Variants in TMEM132D observed in about 807,000 individuals in gnomAD.
TMEM132D encodes the protein transmembrane protein 132D, also known as mature OL transmembrane protein.
Under a neutral mutation model 62.3 loss-of-function variants are expected in TMEM132D, and 21 were observed. That is an observed-to-expected ratio of 0.34 (90% confidence interval 0.24 to 0.49). TMEM132D has a LOEUF of 0.49. Among genes scored for constraint, TMEM132D ranks in the 20% least tolerant of loss-of-function variants. The pLI is 0.99. For missense variants in TMEM132D, 1,346 were observed against 1,402.8 expected (o/e 0.96, Z 0.65); for synonymous variants, 621 against 575.6 (o/e 1.08, Z -1.13).
At chr12:129,326,359 T>C (rs1868910666) in intron 4 of TMEM132D, among the ~76,000 whole-genome samples, 1 of 152,188 alleles carries the variant, frequency 6.6e-6, no homozygotes, top group African/African-American at 2.4e-5. Context: ...TACACTGACA[T>C]TAGACCTGGG....
chr12:129,142,849 C>T (rs1463361137), intron 5 of TMEM132D, among the ~76,000 whole-genome samples: 1 of 152,080 alleles, frequency 6.6e-6, no homozygotes, highest in Non-Finnish European at 1.5e-5. Context: ...GCTCTAGGTA[C>T]TTTTCCCAAA....
chr12:129,141,947 A>C (rs1299338049), intron 5 of TMEM132D, among the ~76,000 whole-genome samples: 1 of 149,682 alleles, frequency 6.7e-6, no homozygotes, highest in African/African-American at 2.4e-5. Context: ...AAAAAACCCC[A>C]AAACTCTAAT....
At chr12:129,189,778 CAG>C (rs1430339202) in intron 5 of TMEM132D, among the ~76,000 whole-genome samples, 1 of 152,096 alleles carries the variant, frequency 6.6e-6, no homozygotes, top group Non-Finnish European at 1.5e-5. Context: ...CTGTGGCAGG[CAG>C]AGTCAAGCTT....
At position 129,074,009 on chromosome 12, in the gene TMEM132D, C is replaced by T. The variant is rs2135601550; in HGVS notation, c.3166G>A (p.Asp1056Asn). The change falls in exon 9 of 9, where the codon GAC becomes AAC. Residue 1056 changes from aspartate (D) to asparagine (N), a missense_variant. Coordinates refer to ENST00000422113, the MANE Select transcript of TMEM132D (RefSeq NM_133448.3). Reference sequence around the variant, plus strand: ...GAGTTCCTGGTGGGGTACTCGTCGTCTGAGGAGACGGCGGTGAAGGTGGTA... The same window carrying T: ...GAGTTCCTGGTGGGGTACTCGTCGTTTGAGGAGACGGCGGTGAAGGTGGTA... ...KFTTFTAVSSDDEYPTRNSIV... is the reference protein window; with the variant it reads ...KFTTFTAVSSNDEYPTRNSIV... 4.3e-6 allele frequency: 7 copies of T among 1,614,074 alleles called. No individual in the cohort carries two copies. The highest frequency in any genetic ancestry group is 5.9e-6 in the Non-Finnish European group (7 of 1,179,978).
chr12:129,153,451 GGT>G (rs542437997), intron 5 of TMEM132D, among the ~76,000 whole-genome samples: 74 of 152,136 alleles, frequency 4.9e-4, no homozygotes, highest in Middle Eastern at 3.4e-3. Flanking sequence ...GCCGGGTCTC[GGT>G]GTTTGGGTCA....
intron 2 of TMEM132D, among the ~76,000 whole-genome samples, chr12:129,594,562 T>C (rs543748873): frequency 1.6e-4 from 24 of 152,210 alleles, no homozygotes; most frequent in Non-Finnish European, 3.1e-4. Context: ...AGTGGCTAAA[T>C]AATTTTTCAC....
intron 5 of TMEM132D, among the ~76,000 whole-genome samples, chr12:129,188,455 G>A (rs1046573972): frequency 6.6e-6 from 1 of 152,206 alleles, no homozygotes; most frequent in Admixed American, 6.5e-5. Flanking sequence ...AGCCATCAGA[G>A]GTTGTGAGTT....
intron 4 of TMEM132D, among the ~76,000 whole-genome samples, chr12:129,232,079 C>T (rs1879658004): frequency 6.6e-6 from 1 of 152,304 alleles, no homozygotes; most frequent in African/African-American, 2.4e-5. Flanking sequence ...GATTAAACAA[C>T]ACTGGTAGTG....
At chr12:129,658,870 C>A (rs1880164487) in intron 2 of TMEM132D, among the ~76,000 whole-genome samples, 1 of 152,010 alleles carries the variant, frequency 6.6e-6, no homozygotes, top group African/African-American at 2.4e-5. Flanking sequence ...CAAAGAGCAC[C>A]AAGGTGCCAG....
intron 3 of TMEM132D, among the ~76,000 whole-genome samples, chr12:129,484,891 C>G (rs1593032356): frequency 6.6e-6 from 1 of 152,098 alleles, no homozygotes. Flanking sequence ...AAAACAATGA[C>G]ATTTATGGGT....
In TMEM132D at chr12:129,646,706, GTATA is replaced by G. The variant is rs1333388049; in HGVS notation, c.968+53100_968+53103del. Among the ~76,000 whole-genome samples the G allele has an allele frequency of 2.0e-5, 3 of 151,672 alleles. No individual in the cohort carries two copies. The East Asian group carries it at 5.8e-4, about 29-fold the overall frequency. On this transcript the variant is annotated intron_variant, in intron 2 of 8. Transcript: ENST00000422113. ...CTTATACAAATGCGTGGGTATGCGT[GTATA>G]TATACAATATGTGCAAATGTGTGTA...
intron 1 of TMEM132D, among the ~76,000 whole-genome samples, chr12:129,893,379 G>A (rs1238586628): frequency 6.6e-6 from 1 of 152,056 alleles, no homozygotes; most frequent in Non-Finnish European, 1.5e-5. Context: ...TTTCTTTTGA[G>A]TAAGAAGCTC....
At chr12:129,672,794 C>A (rs561499688) in intron 2 of TMEM132D, among the ~76,000 whole-genome samples, 44 of 152,304 alleles carry the variant, frequency 2.9e-4, no homozygotes, top group African/African-American at 1.1e-3. Flanking sequence ...ATTGTCCAGG[C>A]TGGAGTGCAA....
chr12:129,815,488 G>A (rs746324433), intron 1 of TMEM132D, among the ~76,000 whole-genome samples: 4 of 152,150 alleles, frequency 2.6e-5, no homozygotes, highest in Non-Finnish European at 5.9e-5. Context: ...CTGGGGGGGT[G>A]ACTGTCTCAC....
chr12:129,327,015 C>T (rs948587162), intron 4 of TMEM132D, among the ~76,000 whole-genome samples: 22 of 152,178 alleles, frequency 1.4e-4, no homozygotes, highest in African/African-American at 4.6e-4. Context: ...GACTGACACA[C>T]GTGGCCGTGT....
At position 129,842,711 on chromosome 12, in the gene TMEM132D, C is replaced by T. The variant is rs905049129; in HGVS notation, c.79+60550G>A. On this transcript the variant is annotated intron_variant, in intron 1 of 8. Transcript: ENST00000422113. ...CTAGAACTCCTGGGCTCAAGCGATC[C>T]TCCAGCCTTGACCTCCCAAAGAGCT... is the stretch of plus-strand genomic sequence containing the variant. Among the ~76,000 whole-genome samples the T allele has an allele frequency of 3.3e-5, 5 of 152,240 alleles. No individual in the cohort carries two copies. The South Asian group carries it at 6.2e-4, about 19-fold the overall frequency.
At chr12:129,728,554 G>A (rs1468520421) in intron 1 of TMEM132D, among the ~76,000 whole-genome samples, 1 of 152,212 alleles carries the variant, frequency 6.6e-6, no homozygotes, top group East Asian at 1.9e-4. Context: ...CAGGGCGTGA[G>A]TCTCATTTAG....
chr12:129,741,468 A>G (rs1329263525), intron 1 of TMEM132D, among the ~76,000 whole-genome samples: 1 of 152,204 alleles, frequency 6.6e-6, no homozygotes, highest in East Asian at 1.9e-4. Context: ...TACTCATGAG[A>G]AAAAGAGGAG....
intron 4 of TMEM132D, among the ~76,000 whole-genome samples, chr12:129,319,542 A>G (rs1251311697): frequency 1.3e-5 from 2 of 152,148 alleles, no homozygotes. Context: ...ATGTGATCAC[A>G]TTTCTGAATT....
Sources: allele counts gnomAD v4.1 joint callset (sites outside exome capture counted in the v4.1 genomes callset), GRCh38; gene constraint gnomAD v4.1.1; transcripts MANE v1.5; gene names NCBI Gene and HGNC (gene_info 2026-07-23, HGNC 2026-07-21).